OSBP2: variants seen among roughly 807,000 people sequenced by gnomAD.
OSBP2 encodes oxysterol binding protein 2, also known as oxysterol-binding protein 2.
In OSBP2, 66 loss-of-function variants were observed where a neutral mutation model predicts 96.0. That is an observed-to-expected ratio of 0.69 (90% CI 0.56 to 0.84). OSBP2 has a LOEUF of 0.84. Ranked by LOEUF, OSBP2 falls within the 40% of genes least tolerant of loss-of-function variation. The probability of loss-of-function intolerance (pLI) is 0.00; values close to 1 mark genes in which losing one functional copy is unlikely to be tolerated. For missense variants in OSBP2, 1,038 were observed against 1,222.7 expected (o/e 0.85, Z 2.25); for synonymous variants, 525 against 520.9 (o/e 1.01, Z -0.11).
At chr22:30,702,287 G>T (rs573007611) in intron 1 of OSBP2, among the ~76,000 whole-genome samples, 1 of 152,232 alleles carries the variant, frequency 6.6e-6, no homozygotes, top group Admixed American at 6.5e-5. Flanking sequence ...ATGACCCTGG[G>T]GTTGTCTCAC....
At position 30,695,123 on chromosome 22, in the gene OSBP2, G is replaced by A. The variant is rs2089003068; in HGVS notation, c.214G>A (p.Ala72Thr). Reference protein sequence around the residue: ...RGPLSEQVSEAVSEAVPRSEP... With the variant: ...RGPLSEQVSETVSEAVPRSEP... ...ACCGCTGTCAGAACAGGTGTCGGAG[G>A]CAGTTTCGGAGGCAGTGCCAAGATC... Residue 72 changes from alanine (A) to threonine (T), a missense_variant, in exon 1 of 14, where the codon GCA becomes ACA. Transcript: ENST00000332585. The A allele has an allele frequency of 1.9e-6, 3 of 1,596,704 alleles. No homozygotes were observed. The highest frequency in any genetic ancestry group is 1.7e-5 in the Admixed American group (1 of 58,604).
chr22:30,877,857 A>T (rs2039617493), intron 3 of OSBP2, among the ~76,000 whole-genome samples: 1 of 152,248 alleles, frequency 6.6e-6, no homozygotes, highest in African/African-American at 2.4e-5. Flanking sequence ...CCTTCTGACC[A>T]CATGACCCCC....
intron 2 of OSBP2, among the ~76,000 whole-genome samples, chr22:30,827,977 G>A (rs2038439277): frequency 1.3e-5 from 2 of 152,192 alleles, no homozygotes; most frequent in Admixed American, 6.5e-5. Context: ...ATTTAACCGC[G>A]TGTTGGTTGA....
intron 2 of OSBP2, among the ~76,000 whole-genome samples, chr22:30,788,353 T>C (rs2090625163): frequency 6.6e-6 from 1 of 152,094 alleles, no homozygotes; most frequent in African/African-American, 2.4e-5. Context: ...TCCTACCCAG[T>C]TCCCATGGAA....
intron 1 of OSBP2, among the ~76,000 whole-genome samples, chr22:30,716,028 C>A (rs2089448853): frequency 1.0e-5 from 1 of 97,962 alleles, no homozygotes; most frequent in African/African-American, 3.9e-5. Context: ...AGCATCTTTT[C>A]TTTCTTTCTT....
At chr22:30,694,753 C>G, upstream of OSBP2, 1 of 515,872 alleles carries the variant, frequency 1.9e-6, no homozygotes, top group African/African-American at 2.1e-5. Flanking sequence ...GCACAACAGC[C>G]GGCGGGCGCT....
At chr22:30,717,453 C>G (rs1004389231) in intron 1 of OSBP2, among the ~76,000 whole-genome samples, 2 of 152,142 alleles carry the variant, frequency 1.3e-5, no homozygotes, top group Admixed American at 6.5e-5. Context: ...AACGCCTACA[C>G]TAAGGGGAAA....
chr22:30,819,973 C>G (rs573194715), intron 2 of OSBP2, among the ~76,000 whole-genome samples: 1 of 152,210 alleles, frequency 6.6e-6, no homozygotes, highest in Non-Finnish European at 1.5e-5. Context: ...ATTTCAGATT[C>G]CACGATACTC....
rs185218157 is a variant in OSBP2 at position 30,799,254 on chromosome 22, C to A, written c.853+57885C>A. On this transcript the variant is annotated intron_variant, in intron 2 of 13. Coordinates refer to ENST00000332585, the MANE Select transcript of OSBP2 (RefSeq NM_030758.4). ...CCTCCCAAGTAGCTGGGACTACAGGCGCCCACCACCACACCCAGCTAATTT... is the reference window on the plus strand; with the variant it reads ...CCTCCCAAGTAGCTGGGACTACAGGAGCCCACCACCACACCCAGCTAATTT... Among the ~76,000 whole-genome samples, 8 of 152,084 alleles carry A rather than the reference C, an allele frequency of 5.3e-5. No homozygotes were observed. The East Asian group carries it at 1.2e-3, about 22-fold the overall frequency.
At chr22:30,723,502 C>A (rs547599932) in intron 1 of OSBP2, among the ~76,000 whole-genome samples, 1 of 152,114 alleles carries the variant, frequency 6.6e-6, no homozygotes, top group Admixed American at 6.6e-5. Flanking sequence ...CAACCTCTGC[C>A]TCCCAAGTTC....
chr22:30,881,704 A>G lies in OSBP2; in HGVS notation c.1108-5722A>G, dbSNP rs899924044. ...TCAGCATTCTGAGAACAGCAGGGCC[A>G]CGCCAGGCGCCTGCCTCTCCCCACA... On this transcript the variant is annotated intron_variant, in intron 3 of 13. Coordinates refer to ENST00000332585, the MANE Select transcript of OSBP2 (RefSeq NM_030758.4). The surrounding 1 kb of genome is among the most constrained non-coding windows in gnomAD (Gnocchi z 4.5). 17 of 1,303,952 alleles carry G rather than the reference A, an allele frequency of 1.3e-5. No individual in the cohort carries two copies. The highest frequency in any genetic ancestry group is 1.7e-5 in the Non-Finnish European group (17 of 988,904). The allele number at this position is 1,303,952 out of a possible 1,614,324, so 80.8% of individuals were successfully genotyped here. A position where few individuals can be genotyped will look rare whatever the true frequency, so the allele number is the denominator to read the frequency against.
At chr22:30,702,825 TGGCATCTTCTTTGTATTCCACATAGA>T (rs1437372302) in intron 1 of OSBP2, among the ~76,000 whole-genome samples, 1 of 152,208 alleles carries the variant, frequency 6.6e-6, no homozygotes, top group Admixed American at 6.5e-5. Context: ...TGGCCAAGTT[TGGCATCTTCTTTGTATTCCACATAGA>T]GCCTGGAGTA....
intron 2 of OSBP2, among the ~76,000 whole-genome samples, chr22:30,768,811 C>T (rs1335638311): frequency 2.0e-5 from 3 of 152,304 alleles, no homozygotes; most frequent in African/African-American, 2.4e-5. Context: ...ATAGCACTTT[C>T]GTTTGTAATT....
chr22:30,776,306 G>T (rs1446903180), intron 2 of OSBP2, among the ~76,000 whole-genome samples: 2 of 151,538 alleles, frequency 1.3e-5, no homozygotes, highest in Non-Finnish European at 2.9e-5. Context: ...TTTATTTTTA[G>T]TGGAGATGGG....
intron 2 of OSBP2, among the ~76,000 whole-genome samples, chr22:30,863,042 C>T (rs2039254955): frequency 6.6e-6 from 1 of 152,078 alleles, no homozygotes; most frequent in Non-Finnish European, 1.5e-5. Flanking sequence ...TCATGCCACA[C>T]CCTTTCCTCT....
At chr22:30,745,293 C>A (rs1602206457) in intron 2 of OSBP2, among the ~76,000 whole-genome samples, 1 of 151,778 alleles carries the variant, frequency 6.6e-6, no homozygotes, top group Middle Eastern at 3.4e-3. Context: ...AATGAAAAAC[C>A]AAACTTTATA....
intron 2 of OSBP2, among the ~76,000 whole-genome samples, chr22:30,839,565 A>G (rs1186999027): frequency 5.3e-5 from 8 of 151,870 alleles, no homozygotes; most frequent in African/African-American, 1.9e-4. Context: ...ATGGTATCTC[A>G]TTATGGTTTT....
intron 2 of OSBP2, among the ~76,000 whole-genome samples, chr22:30,747,439 C>G (rs941739876): frequency 6.6e-6 from 1 of 152,126 alleles, no homozygotes; most frequent in Non-Finnish European, 1.5e-5. Context: ...CATGTTCATG[C>G]CACTGTACTC....
chr22:30,808,693 A>ATG (rs1569132521), intron 2 of OSBP2, among the ~76,000 whole-genome samples: 3,518 of 151,722 alleles, frequency 0.023, 128 homozygotes, highest in African/African-American at 0.077. Flanking sequence ...GGTGGCTGAC[A>ATG]CCTGTAATCC....
Sources: gnomAD v4.1 joint callset for allele counts (sites outside exome capture counted in the v4.1 genomes callset) on GRCh38, gnomAD v4.1.1 for gene constraint, Gnocchi (gnomAD v3.1) non-coding constraint, MANE v1.5 for transcripts, NCBI Gene and HGNC (gene_info 2026-07-23, HGNC 2026-07-21) for gene names.